RB1: variants seen among roughly 807,000 people sequenced by gnomAD.
The protein encoded by RB1 is RB transcriptional corepressor 1, also known as retinoblastoma-associated protein.
A neutral mutation model predicts 135.4 loss-of-function variants in RB1; 18 were observed. That is an observed-to-expected ratio of 0.13 (90% CI 0.09 to 0.20). RB1 has a LOEUF of 0.20. RB1 is among the 10% of genes least tolerant of loss of function. RB1 has a pLI of 1.00. For synonymous variants in RB1, 365 were observed against 373.2 expected (o/e 0.98, Z 0.25); for missense variants, 868 against 1,110.0 (o/e 0.78, Z 3.10).
rs1174146724 is a variant in RB1 at position 48,456,339 on chromosome 13, T to C, written c.1950T>C (p.Phe650=). The change falls in exon 19 of 27, where the codon TTT becomes TTC. Residue 650 remains phenylalanine (F), a synonymous_variant. Coordinates refer to ENST00000267163, the MANE Select transcript of RB1 (RefSeq NM_000321.3). ...KPLKSTSLSL[F]YKKVYRLAYL... is the part of the protein sequence containing the mutation. Reference sequence around the variant, plus strand: ...TGAAATCTACCTCTCTTTCACTGTTTTATAAAAAAGGTTAGTAGATGATTA... The same window carrying C: ...TGAAATCTACCTCTCTTTCACTGTTCTATAAAAAAGGTTAGTAGATGATTA... 1 of 1,614,148 alleles carries C rather than the reference T, an allele frequency of 6.2e-7. No individual in the cohort carries two copies. Among genetic ancestry groups the C allele is most frequent in the East Asian group, 2.2e-5 (1 of 44,886 alleles).
chr13:48,380,112 T>C, intron 15 of RB1, 28 bp downstream of exon 15: 1 of 1,450,304 alleles, frequency 6.9e-7, no homozygotes, highest in South Asian at 1.4e-5. Context: ...AGTAAAAAAT[T>C]TTTTTCTTTT....
chr13:48,394,911 T>C (rs556023664), intron 17 of RB1, among the ~76,000 whole-genome samples: 9 of 152,306 alleles, frequency 5.9e-5, no homozygotes, highest in Admixed American at 5.9e-4. Context: ...GGACAGACTG[T>C]CTCCTCAAGT....
chr13:48,411,709 A>G, intron 17 of RB1: 1 of 1,606,370 alleles, frequency 6.2e-7, no homozygotes, highest in Non-Finnish European at 8.5e-7. Context: ...AAACAGAAAC[A>G]GAATATGATC....
At chr13:48,359,604 T>C (rs913180657) in intron 6 of RB1, among the ~76,000 whole-genome samples, 4 of 148,106 alleles carry the variant, frequency 2.7e-5, no homozygotes, top group Non-Finnish European at 6.0e-5. Flanking sequence ...CAAATATAAA[T>C]AAAATATTTA....
chr13:48,411,684 A>G (rs2138199716), intron 17 of RB1: 2 of 1,610,112 alleles, frequency 1.2e-6, no homozygotes, highest in Middle Eastern at 3.3e-4. Flanking sequence ...AATAAGATTG[A>G]TATTGTAAGG....
At chr13:48,473,908 C>T (rs532074733) in intron 24 of RB1, among the ~76,000 whole-genome samples, 127 of 152,266 alleles carry the variant, frequency 8.3e-4, no homozygotes, top group African/African-American at 2.5e-3. Flanking sequence ...GACTTGAATA[C>T]GAAGTTGGGG....
chr13:48,407,875 A>G (rs921670543), intron 17 of RB1, among the ~76,000 whole-genome samples: 10 of 152,194 alleles, frequency 6.6e-5, no homozygotes, highest in African/African-American at 1.7e-4. Context: ...TGTGACATCC[A>G]GAGTTGGACT....
At chr13:48,465,933 A>G (rs1949439861) in intron 23 of RB1, among the ~76,000 whole-genome samples, 1 of 147,910 alleles carries the variant, frequency 6.8e-6, no homozygotes, top group Non-Finnish European at 1.5e-5. Flanking sequence ...GCTGATTGCT[A>G]GCACAGCAGT....
chr13:48,342,143 G>C (rs1189903485), intron 2 of RB1, among the ~76,000 whole-genome samples: 1 of 151,608 alleles, frequency 6.6e-6, no homozygotes, highest in East Asian at 1.9e-4. Context: ...TGAAATACAA[G>C]GTTAAAAATA....
At chr13:48,453,481 G>A (rs1436046807) in intron 18 of RB1, among the ~76,000 whole-genome samples, 4 of 152,194 alleles carry the variant, frequency 2.6e-5, no homozygotes, top group African/African-American at 4.8e-5. Context: ...TTCAGAGTGT[G>A]CAGGTCAGTC....
chr13:48,311,809 G>A (rs964152961), intron 2 of RB1, among the ~76,000 whole-genome samples: 4 of 152,138 alleles, frequency 2.6e-5, no homozygotes, highest in East Asian at 1.9e-4. Flanking sequence ...GGGTCCAAGC[G>A]ATTCTCCTGT....
At chr13:48,360,179 T>A in intron 7 of RB1, 52 bp downstream of exon 7, 2 of 1,606,644 alleles carry the variant, frequency 1.2e-6, no homozygotes, top group Non-Finnish European at 1.7e-6. Context: ...AGTTGCTTAT[T>A]GAATGTCTAG....
chr13:48,433,807 C>G (rs545802434), intron 17 of RB1, among the ~76,000 whole-genome samples: 2 of 151,644 alleles, frequency 1.3e-5, no homozygotes, highest in Non-Finnish European at 2.9e-5. Flanking sequence ...CATTCATCAT[C>G]TTTGAATTAG....
chr13:48,393,381 A>G (rs548164004), intron 17 of RB1, among the ~76,000 whole-genome samples: 2 of 152,112 alleles, frequency 1.3e-5, no homozygotes, highest in African/African-American at 4.8e-5. Context: ...TCATCTCTGG[A>G]CTGTGGACCA....
intron 21 of RB1, among the ~76,000 whole-genome samples, chr13:48,464,583 G>A (rs1001531282): frequency 1.3e-5 from 2 of 152,194 alleles, no homozygotes; most frequent in African/African-American, 4.8e-5. Context: ...GGGATACCGG[G>A]AGGTACAGGC....
At chr13:48,401,754 A>G (rs1948693948) in intron 17 of RB1, among the ~76,000 whole-genome samples, 1 of 152,220 alleles carries the variant, frequency 6.6e-6, no homozygotes, top group Admixed American at 6.5e-5. Flanking sequence ...GAAACGTAGA[A>G]TAGGAAACAG....
intron 17 of RB1, among the ~76,000 whole-genome samples, chr13:48,399,191 C>T (rs774864621): frequency 6.6e-6 from 1 of 151,890 alleles, no homozygotes; most frequent in African/African-American, 2.4e-5. Context: ...AGATTGTTTT[C>T]GTAGACTGAA....
chr13:48,343,344 A>G (rs759175792), intron 3 of RB1, among the ~76,000 whole-genome samples: 43 of 152,160 alleles, frequency 2.8e-4, no homozygotes, highest in Non-Finnish European at 1.6e-4. Context: ...AACAGTATGT[A>G]TTTTTACCAA....
intron 6 of RB1, among the ~76,000 whole-genome samples, chr13:48,354,965 T>C (rs1193919909): frequency 6.6e-6 from 1 of 152,104 alleles, no homozygotes; most frequent in Non-Finnish European, 1.5e-5. Flanking sequence ...ATGAAACTGC[T>C]ATAAGAAAAC....
Sources: gnomAD v4.1 joint callset for allele counts (sites outside exome capture counted in the v4.1 genomes callset) on GRCh38, gnomAD v4.1.1 for gene constraint, MANE v1.5 for transcripts, NCBI Gene and HGNC (gene_info 2026-07-23, HGNC 2026-07-21) for gene names.